The following RBFOX3 variants were observed in gnomAD, a reference collection of about 807,000 sequenced individuals.
RBFOX3 encodes the protein RNA binding fox-1 homolog 3, also known as RNA binding protein fox-1 homolog 3.
A neutral mutation model predicts 48.7 loss-of-function variants in RBFOX3; 17 were observed. That is an observed-to-expected ratio of 0.35 (90% CI 0.24 to 0.52). The LOEUF (loss-of-function observed/expected upper bound fraction) is 0.52. Ranked by LOEUF, RBFOX3 falls within the 20% of genes least tolerant of loss-of-function variation. The pLI is 0.94. For missense variants in RBFOX3, 382 were observed against 497.5 expected, an observed-to-expected ratio of 0.77 and a Z score of 2.21; for synonymous variants, 212 against 209.5, an observed-to-expected ratio of 1.01 and a Z score of -0.10.
intron 4 of RBFOX3, among the ~76,000 whole-genome samples, chr17:79,196,443 T>C (rs2146647217): frequency 6.6e-6 from 1 of 152,346 alleles, no homozygotes; most frequent in South Asian, 2.1e-4. Context: ...GCAGTACCTC[T>C]CTCAGTATCG....
chr17:79,209,676 G>T (rs1019419821), intron 4 of RBFOX3, among the ~76,000 whole-genome samples: 4 of 152,102 alleles, frequency 2.6e-5, no homozygotes, highest in Admixed American at 6.6e-5. Flanking sequence ...AAGAGGTGGG[G>T]TGCATGGCTC....
At chr17:79,093,034 C>A (rs1289681251) in intron 14 of RBFOX3, among the ~76,000 whole-genome samples, 2 of 152,250 alleles carry the variant, frequency 1.3e-5, no homozygotes, top group Non-Finnish European at 2.9e-5. Flanking sequence ...CACTGAGGGA[C>A]CTCCTGGCGG....
At chr17:79,506,429 G>T (rs2083134481) in intron 1 of RBFOX3, among the ~76,000 whole-genome samples, 1 of 152,190 alleles carries the variant, frequency 6.6e-6, no homozygotes, top group Non-Finnish European at 1.5e-5. Flanking sequence ...TGTCTGTTGT[G>T]GGGAGCTGGG....
the RBFOX3 span, among the ~76,000 whole-genome samples, chr17:79,646,968 A>G: frequency 6.6e-6 from 1 of 152,126 alleles, no homozygotes; most frequent in African/African-American, 2.4e-5. Context: ...CAACTACAGC[A>G]TCCCCAGCCC....
intron 2 of RBFOX3, among the ~76,000 whole-genome samples, chr17:79,401,024 C>T (rs2062736198): frequency 6.6e-6 from 1 of 152,246 alleles, no homozygotes; most frequent in South Asian, 2.1e-4. Flanking sequence ...AACCCTACTT[C>T]CAAAGCTAGA....
rs1290359123 is a variant in RBFOX3 at position 79,101,476 on chromosome 17, A to T, written c.568+108T>A. On this transcript the variant is annotated intron_variant, in intron 9 of 14. Coordinates refer to ENST00000693108, the MANE Select transcript of RBFOX3 (RefSeq NM_001350451.2). Reference sequence around the variant, plus strand: ...CCCAGGGCTGGGACACTGGGGACGGAGGCTGCCTAGGATCCAGGAAGGTCA... The same window carrying T: ...CCCAGGGCTGGGACACTGGGGACGGTGGCTGCCTAGGATCCAGGAAGGTCA... 40 of 1,000,242 alleles carry T rather than the reference A, an allele frequency of 4.0e-5. No individual in the cohort carries two copies. In the South Asian group the frequency reaches 5.3e-4, roughly 13 times the overall value. 62.0% of individuals were successfully genotyped at this position (1,000,242 alleles called of 1,614,324 possible). A position where few individuals can be genotyped will look rare whatever the true frequency, so the allele number is the denominator to read the frequency against.
At position 79,090,684 on chromosome 17, in the gene RBFOX3, C is replaced by A; in HGVS notation, c.*199G>T. On this transcript the variant is annotated 3_prime_UTR_variant, in exon 15 of 15. Coordinates refer to ENST00000693108, the MANE Select transcript of RBFOX3 (RefSeq NM_001350451.2). ...GTCCTGTCCTGGGGCCGCTCCTCGG[C>A]GCCCCTGCCGGCGTGCTCCCTCGGT... 3.1e-6 allele frequency: 2 copies of A among 653,644 alleles called. No individual in the cohort carries two copies. Among genetic ancestry groups the A allele is most frequent in the Non-Finnish European group, 5.1e-6 (2 of 388,366 alleles). The allele number at this position is 653,644 out of a possible 1,614,324, so 40.5% of individuals were successfully genotyped here. A position where few individuals can be genotyped will look rare whatever the true frequency, so the allele number is the denominator to read the frequency against.
At chr17:79,288,136 C>T (rs982278295) in intron 3 of RBFOX3, among the ~76,000 whole-genome samples, 3 of 152,144 alleles carry the variant, frequency 2.0e-5, no homozygotes, top group African/African-American at 7.2e-5. Flanking sequence ...CTCCTCCTTC[C>T]CTTCTCTGCA....
intron 2 of RBFOX3, among the ~76,000 whole-genome samples, chr17:79,414,520 G>T (rs946036268): frequency 6.6e-6 from 1 of 152,154 alleles, no homozygotes; most frequent in African/African-American, 2.4e-5. Flanking sequence ...AAAGCTCCCC[G>T]TGAATCCCTT....
At chr17:79,268,860 C>G (rs1052327152) in intron 3 of RBFOX3, among the ~76,000 whole-genome samples, 2 of 152,224 alleles carry the variant, frequency 1.3e-5, no homozygotes, top group Admixed American at 6.5e-5. Context: ...GACATTGGTC[C>G]TGGGCCTAAT....
At chr17:79,389,769 T>C (rs1312931476) in intron 2 of RBFOX3, among the ~76,000 whole-genome samples, 1 of 152,178 alleles carries the variant, frequency 6.6e-6, no homozygotes, top group Non-Finnish European at 1.5e-5. Context: ...TGCTCAGTGG[T>C]TCATCAGCAC....
chr17:79,138,647 GCACATACACAGCA>G (rs2040862990), intron 4 of RBFOX3, among the ~76,000 whole-genome samples: 2 of 106,672 alleles, frequency 1.9e-5, no homozygotes, highest in African/African-American at 3.4e-5. Context: ...ACCCACACAC[GCACATACACAGCA>G]CATGCATTCA....
chr17:79,376,140 A>G (rs1371108878), intron 2 of RBFOX3, among the ~76,000 whole-genome samples: 1 of 152,120 alleles, frequency 6.6e-6, no homozygotes, highest in Non-Finnish European at 1.5e-5. Flanking sequence ...GTGTCCCCCA[A>G]GTCAACACCC....
At chr17:79,183,941 T>TG (rs1335984237) in intron 4 of RBFOX3, among the ~76,000 whole-genome samples, 2 of 152,144 alleles carry the variant, frequency 1.3e-5, no homozygotes, top group African/African-American at 4.8e-5. Flanking sequence ...GCTCCTGGCC[T>TG]GGGGGGTCTG....
intron 2 of RBFOX3, among the ~76,000 whole-genome samples, chr17:79,426,905 T>C (rs1259339092): frequency 7.9e-5 from 12 of 152,120 alleles, no homozygotes; most frequent in African/African-American, 2.4e-4. Flanking sequence ...GGTTTCATCA[T>C]GTTGGTCAGG....
intron 5 of RBFOX3, among the ~76,000 whole-genome samples, chr17:79,115,180 G>C (rs950213439): frequency 8.5e-5 from 13 of 152,224 alleles, no homozygotes; most frequent in African/African-American, 3.1e-4. Context: ...TTTGCTCGAA[G>C]CAGGGAAGCC....
At chr17:79,422,272 C>A (rs1251385566) in intron 2 of RBFOX3, among the ~76,000 whole-genome samples, 1 of 152,082 alleles carries the variant, frequency 6.6e-6, no homozygotes, top group Admixed American at 6.5e-5. Context: ...AGCACAGCCT[C>A]GTCTTCCTGG....
chr17:79,218,180 G>A (rs183233495), intron 4 of RBFOX3, among the ~76,000 whole-genome samples: 2 of 152,198 alleles, frequency 1.3e-5, no homozygotes, highest in African/African-American at 4.8e-5. Flanking sequence ...GGCATCAGGT[G>A]GACAACAGGA....
chr17:79,301,180 C>T (rs1490702303), intron 3 of RBFOX3, among the ~76,000 whole-genome samples: 1 of 152,202 alleles, frequency 6.6e-6, no homozygotes, highest in Non-Finnish European at 1.5e-5. Context: ...CTCTCTGGGT[C>T]CCAGCCCATT....
Sources: gnomAD v4.1 joint callset for allele counts (sites outside exome capture counted in the v4.1 genomes callset) on GRCh38, gnomAD v4.1.1 for gene constraint, MANE v1.5 for transcripts, NCBI Gene and HGNC (gene_info 2026-07-23, HGNC 2026-07-21) for gene names.